The following EMC1 variants were observed in gnomAD, a reference collection of about 807,000 sequenced individuals.
EMC1 encodes the protein ER membrane protein complex subunit 1, also known as KIAA0090.
In EMC1, 103 loss-of-function variants were observed where a neutral mutation model predicts 128.8. That is an observed-to-expected ratio of 0.80 (90% CI 0.68 to 0.94). The LOEUF (loss-of-function observed/expected upper bound fraction) is 0.94, where lower values mean the gene tolerates loss of function less well. Among genes scored for constraint, EMC1 ranks in the 40% least tolerant of loss-of-function variants. EMC1 has a pLI of 0.00. For synonymous variants in EMC1, 442 were observed against 490.4 expected, an observed-to-expected ratio of 0.90 and a Z score of 1.30; for missense variants, 1,083 against 1,250.6, an observed-to-expected ratio of 0.87 and a Z score of 2.02.
rs185990104 is a variant in EMC1 at position 19,236,353 on chromosome 1, C to T, written c.1309+789G>A. Among the ~76,000 whole-genome samples the T allele has an allele frequency of 2.0e-3, 294 of 149,342 alleles. 1 individual carries two copies. Among genetic ancestry groups the T allele is most frequent in the African/African-American group, 6.7e-3 (272 of 40,452 alleles). On this transcript the variant is annotated intron_variant, in intron 12 of 22. Coordinates refer to ENST00000477853, the MANE Select transcript of EMC1 (RefSeq NM_015047.3). Reference sequence around the variant, plus strand: ...CAGCCTGGGCAACAAGAGCAAAACTCTGTCTCAAAAAAGAAAAAAAGAGCC... The same window carrying T: ...CAGCCTGGGCAACAAGAGCAAAACTTTGTCTCAAAAAAGAAAAAAAGAGCC...
intron 12 of EMC1, 117 bp from the exon 13 acceptor site, chr1:19,235,369 A>G (rs2093554839): frequency 9.4e-7 from 1 of 1,064,988 alleles, no homozygotes; most frequent in Admixed American, 2.8e-5. Flanking sequence ...GGAATTTGAG[A>G]CCAGCCTGGA....
intron 11 of EMC1, 24 bp downstream of exon 11, chr1:19,237,993 C>A: frequency 6.2e-7 from 1 of 1,610,770 alleles, no homozygotes; most frequent in Non-Finnish European, 8.5e-7. Flanking sequence ...ACAGGACAGT[C>A]TGCAAAGAAA....
At chr1:19,235,399 C>T (rs1309370632) in intron 12 of EMC1, 147 bp from the exon 13 acceptor site, 2 of 779,912 alleles carry the variant, frequency 2.6e-6, no homozygotes, top group African/African-American at 1.8e-5. Context: ...AAAACCTTAT[C>T]TCAACAAAAA....
At chr1:19,235,373 G>T in intron 12 of EMC1, 121 bp from the exon 13 acceptor site, 1 of 1,050,952 alleles carries the variant, frequency 9.5e-7, no homozygotes. Flanking sequence ...TTTGAGACCA[G>T]CCTGGACAAC....
At chr1:19,250,865 G>A (rs890045573) in intron 1 of EMC1, among the ~76,000 whole-genome samples, 1 of 152,178 alleles carries the variant, frequency 6.6e-6, no homozygotes, top group South Asian at 2.1e-4. Context: ...TAAGGAAGAC[G>A]TGGGTGGGTG....
intron 18 of EMC1, among the ~76,000 whole-genome samples, chr1:19,224,461 C>T (rs1448482955): frequency 1.3e-5 from 2 of 152,216 alleles, no homozygotes; most frequent in Admixed American, 6.5e-5. Context: ...CGACTCCATA[C>T]ATCAGTGGCT....
chr1:19,232,868 G>A, intron 14 of EMC1, 68 bp downstream of exon 14: 2 of 1,604,908 alleles, frequency 1.2e-6, no homozygotes, highest in Non-Finnish European at 1.7e-6. Context: ...ATCCCTCACT[G>A]AAGGCTTTTT....
chr1:19,224,701 C>T (rs1438168883), intron 18 of EMC1, among the ~76,000 whole-genome samples: 1 of 152,190 alleles, frequency 6.6e-6, no homozygotes, highest in African/African-American at 2.4e-5. Context: ...TGTGGAATCT[C>T]AGTCACTGAT....
chr1:19,242,417 A>G lies in EMC1; in HGVS notation c.437T>C (p.Leu146Pro), dbSNP rs747259745. 3.1e-6 allele frequency: 5 copies of G among 1,614,192 alleles called. No homozygotes were observed. In the South Asian group the frequency reaches 4.4e-5, roughly 14 times the overall value. ...LQESVRYIAV[L>P]KKTTLALHHL... The stretch of plus-strand genomic sequence containing the variant: ...ATGGAGGGCAAGTGTAGTCTTCTTC[A>G]GGACTGCGATGTACCTTACAGACTC... The change falls in exon 5 of 23, where the codon CTG becomes CCG. Residue 146 changes from leucine to proline, a missense_variant. Leu to Pro is a moderately conservative substitution (Grantham distance 98, BLOSUM62 -3). Around this residue, in one of 3 missense-constraint regions of EMC1, gnomAD observed 544 missense variants for 572.4 expected, o/e 0.95. Transcript: ENST00000477853.
rs1181628251 is a variant in EMC1, at chr1:19,216,242, A to AAAAAAAAAAAAT, written c.*3060_*3061insATTTTTTTTTTT. On this transcript the variant is annotated 3_prime_UTR_variant, in exon 23 of 23. Coordinates refer to ENST00000477853, the MANE Select transcript of EMC1 (RefSeq NM_015047.3). ...ACAGAGACCCTGCCTCCAAAAAAAAAGCAATTTATAAAGGCAGTGAAATTA... is the reference window on the plus strand; with the variant it reads ...ACAGAGACCCTGCCTCCAAAAAAAAAAAAAAAAAAAATGCAATTTATAAAGGCAGTGAAATTA... The AAAAAAAAAAAAT allele has an allele frequency of 6.5e-6, 1 of 153,238 alleles. No homozygotes were observed. Among genetic ancestry groups the AAAAAAAAAAAAT allele is most frequent in the Non-Finnish European group, 1.4e-5 (1 of 69,140 alleles). The allele number at this position is 153,238 out of a possible 1,614,324, so 9.5% of individuals were successfully genotyped here. A position where few individuals can be genotyped will look rare whatever the true frequency, so the allele number is the denominator to read the frequency against.
Position 19,243,657 on chromosome 1 carries a change from T to C in EMC1, c.337A>G (p.Asn113Asp). The change falls in exon 4 of 23, where the codon AAC becomes GAC. Residue 113 changes from asparagine (N) to aspartate (D), a missense_variant. Transcript: ENST00000477853. ...GGRIMRSWET[N>D]IGGLNWEITL... ...ATCTCCCAGTTCAGGCCCCCGATGT[T>C]AGTCTCCCAGGAACGCATGATTCGG... The C allele has an allele frequency of 6.2e-7, 1 of 1,614,140 alleles. No individual in the cohort carries two copies. The highest frequency in any genetic ancestry group is 8.5e-7 in the Non-Finnish European group (1 of 1,179,996).
chr1:19,241,846 T>C (rs1442598136), intron 5 of EMC1, among the ~76,000 whole-genome samples: 2 of 152,172 alleles, frequency 1.3e-5, no homozygotes, highest in African/African-American at 4.8e-5. Flanking sequence ...ACTTTGAAAA[T>C]GGCCACAGGG....
At chr1:19,223,128 G>A in intron 19 of EMC1, 1 of 557,400 alleles carries the variant, frequency 1.8e-6, no homozygotes, top group Admixed American at 3.3e-5. Flanking sequence ...TAGACTGAAG[G>A]TGACTGTTAT....
chr1:19,249,899 G>A (rs1232331662), intron 1 of EMC1, among the ~76,000 whole-genome samples: 1 of 150,602 alleles, frequency 6.6e-6, no homozygotes, highest in Non-Finnish European at 1.5e-5. Context: ...CTGGGCTACA[G>A]AATGAGTCCC....
Position 19,237,218 on chromosome 1 carries a change from C to T in EMC1, c.1233G>A (p.Leu411=). 1.2e-6 allele frequency: 2 copies of T among 1,613,932 alleles called. No individual in the cohort carries two copies. Among genetic ancestry groups the T allele is most frequent in the East Asian group, 2.2e-5 (1 of 44,882 alleles). Residue 411 remains leucine, a synonymous_variant, in exon 12 of 23, where the codon TTG becomes TTA. Coordinates refer to ENST00000477853, the MANE Select transcript of EMC1 (RefSeq NM_015047.3). ...RPERLYIQVF[L]KKDDSVGYRA... is the part of the protein sequence containing the mutation. ...GGTAGCCCACTGAGTCATCCTTCTT[C>T]AAGAACACCTGGATATACAGCTATA...
At chr1:19,223,186 T>C in intron 19 of EMC1, among the ~76,000 whole-genome samples, 1 of 152,176 alleles carries the variant, frequency 6.6e-6, no homozygotes, top group East Asian at 1.9e-4. Flanking sequence ...ACATAACTAG[T>C]TCAAGGTTAT....
intron 21 of EMC1, chr1:19,220,025 T>G: frequency 3.5e-6 from 1 of 282,488 alleles, no homozygotes; most frequent in Non-Finnish European, 6.8e-6. Context: ...CTAAGCTAAT[T>G]CCTGCTCTCC....
At chr1:19,231,019 A>C in intron 16 of EMC1, 56 bp from the exon 17 acceptor site, 2 of 1,603,456 alleles carry the variant, frequency 1.2e-6, no homozygotes, top group South Asian at 2.2e-5. Flanking sequence ...CATCAAAGAG[A>C]GCCTTAAGAA....
At chr1:19,224,271 T>A (rs539168367) in intron 18 of EMC1, among the ~76,000 whole-genome samples, 6 of 152,232 alleles carry the variant, frequency 3.9e-5, no homozygotes, top group African/African-American at 1.2e-4. Context: ...ACACCATTTA[T>A]GGATGTTGGC....
Sources: gnomAD v4.1 joint callset for allele counts (sites outside exome capture counted in the v4.1 genomes callset) on GRCh38, gnomAD v4.1.1 for gene constraint, gnomAD v4.1.1 regional missense constraint, MANE v1.5 for transcripts, NCBI Gene and HGNC (gene_info 2026-07-23, HGNC 2026-07-21) for gene names.